NBPF8: variants seen among roughly 807,000 people sequenced by gnomAD.
NBPF8 encodes the protein NBPF family member NBPF8.
At chr1:120,457,280 CAT>C (rs1661467669) in intron 16 of NBPF8, among the ~76,000 whole-genome samples, 1 of 122,852 alleles carries the variant, frequency 8.1e-6, no homozygotes, top group East Asian at 2.1e-4. Context: ...CACATGCACA[CAT>C]ATGTTTATTG....
Position 120,463,656 on chromosome 1 carries a change from C to T in NBPF8, n.3235-20C>T. The T allele has an allele frequency of 6.2e-6, 1 of 161,324 alleles. No individual in the cohort carries two copies. The highest frequency in any genetic ancestry group is 1.1e-5 in the Non-Finnish European group (1 of 90,216). 10.0% of individuals were successfully genotyped at this position (161,324 alleles called of 1,614,324 possible). Reference sequence around the variant, plus strand: ...GGTGAATTGGCTTATTTTGTCTGTCCCTGTCTGAATGTATTGCAGGAATTA... The same window carrying T: ...GGTGAATTGGCTTATTTTGTCTGTCTCTGTCTGAATGTATTGCAGGAATTA... On this transcript the variant is annotated intron_variant and non_coding_transcript_variant, in intron 21 of 24. Transcript: ENST00000583271.
At chr1:120,442,830 C>G in intron 5 of NBPF8, 1 of 135,368 alleles carries the variant, frequency 7.4e-6, no homozygotes, top group East Asian at 1.0e-4. Flanking sequence ...GTTTGCCTTT[C>G]TTCTCCCCAG....
At chr1:120,449,314 A>G (rs1426669057) in exon 11 of NBPF8, 4 of 1,611,138 alleles carry the variant, frequency 2.5e-6, no homozygotes, top group Non-Finnish European at 3.4e-6. Context: ...CCCAGCTGGC[A>G]GAGAAGAAAC....
chr1:120,421,266 T>C (rs1185184477), intron 1 of NBPF8, among the ~76,000 whole-genome samples: 5 of 152,194 alleles, frequency 3.3e-5, no homozygotes, highest in Non-Finnish European at 7.3e-5. Flanking sequence ...CTCCAATAAC[T>C]AGTTAGCGTG....
upstream of NBPF8, among the ~76,000 whole-genome samples, chr1:120,431,359 AATATATATATATATATATATATATAT>A (rs869036983): frequency 3.1e-4 from 13 of 42,052 alleles, no homozygotes; most frequent in Admixed American, 4.7e-4. Flanking sequence ...CCAAATAGGG[AATATATATATATATATATATATATAT>A]ATATATATAT....
chr1:120,421,490 GCCTTCCTCCCTCCCTCCCTTCCTTCCTT>G (rs1261827568), intron 1 of NBPF8, among the ~76,000 whole-genome samples: 1 of 121,916 alleles, frequency 8.2e-6, no homozygotes, highest in East Asian at 2.3e-4. Flanking sequence ...CTCTCTCCCT[GCCTTCCTCCCTCCCTCCCTTCCTTCCTT>G]CCTTCCTCCC....
chr1:120,441,161 A>C (rs200840547), intron 4 of NBPF8, 117 bp from the exon 8 acceptor site: 3 of 600,794 alleles, frequency 5.0e-6, no homozygotes, highest in East Asian at 2.9e-5. Flanking sequence ...GGGAACCTCC[A>C]TTTTGCTTTC....
At chr1:120,415,782 T>A (rs1299754130), upstream of NBPF8, among the ~76,000 whole-genome samples, 1 of 152,182 alleles carries the variant, frequency 6.6e-6, no homozygotes, top group East Asian at 1.9e-4. Context: ...AATCACCTCA[T>A]GACTAGCGGG....
At position 120,424,591 on chromosome 1, in the gene NBPF8, G is replaced by A. The variant is rs1660659974; in HGVS notation, n.270-1156G>A. Among the ~76,000 whole-genome samples the A allele has an allele frequency of 2.6e-5, 4 of 152,174 alleles. No homozygotes were observed. In the South Asian group the frequency reaches 6.2e-4, roughly 24 times the overall value. On this transcript the variant is annotated intron_variant and non_coding_transcript_variant, in intron 1 of 28. Transcript: ENST00000652355. ...GCATCCTGAATAGCTGGGATTACAG[G>A]CGCCTGCCACCACACCTGGCTAATG...
chr1:120,455,503 C>T, intron 16 of NBPF8, 43 bp downstream of exon 14: 9 of 534,106 alleles, frequency 1.7e-5, no homozygotes, highest in Non-Finnish European at 2.9e-5. Context: ...GTAGTGACAT[C>T]TGGAGATTGT....
At chr1:120,434,285 C>A (rs1257476556), upstream of NBPF8, among the ~76,000 whole-genome samples, 2 of 29,472 alleles carry the variant, frequency 6.8e-5, no homozygotes, top group African/African-American at 2.1e-4. Flanking sequence ...TGTATATACA[C>A]GTATTATATA....
chr1:120,465,959 G>A lies in NBPF8; in HGVS notation n.3569-19G>A. 1.1e-5 allele frequency: 18 copies of A among 1,611,720 alleles called. No individual in the cohort carries two copies. Among genetic ancestry groups the A allele is most frequent in the Non-Finnish European group, 1.5e-5 (18 of 1,179,700 alleles). ...CTGATTTTCCCTGGCTGCTTCTTTAGTTTTGTCTCCTTTTCCAGGCTCAAC... is the reference window on the plus strand; with the variant it reads ...CTGATTTTCCCTGGCTGCTTCTTTAATTTTGTCTCCTTTTCCAGGCTCAAC... On this transcript the variant is annotated intron_variant and non_coding_transcript_variant, in intron 24 of 24. Coordinates refer to ENST00000583271, the Ensembl canonical transcript of NBPF8.
exon 25 of NBPF8, chr1:120,466,396 C>A (rs1271752255): frequency 1.2e-5 from 10 of 861,162 alleles, no homozygotes; most frequent in Non-Finnish European, 1.7e-5. Context: ...AGTCTGAAGA[C>A]AATGGACCCA....
At position 120,459,763 on chromosome 1, in the gene NBPF8, C is replaced by T. The variant is rs1163143998; in HGVS notation, n.2784+233C>T. Among the ~76,000 whole-genome samples, 206 of 152,372 alleles carry T rather than the reference C, an allele frequency of 1.4e-3. 1 individual carries two copies. The highest frequency in any genetic ancestry group is 2.1e-3 in the Non-Finnish European group (141 of 68,042). ...CACGCCATGCCCGTGCCAACCTGGACTGACTGTCACGATATTGAACTCAAG... is the reference window on the plus strand; with the variant it reads ...CACGCCATGCCCGTGCCAACCTGGATTGACTGTCACGATATTGAACTCAAG... On this transcript the variant is annotated intron_variant and non_coding_transcript_variant, in intron 17 of 24. Coordinates refer to ENST00000583271, the Ensembl canonical transcript of NBPF8.
upstream of NBPF8, among the ~76,000 whole-genome samples, chr1:120,434,556 T>C (rs1163892202): frequency 7.3e-5 from 11 of 150,788 alleles, no homozygotes; most frequent in Non-Finnish European, 1.5e-5. Flanking sequence ...CCGTCCTGTG[T>C]CCAAGTGTTC....
At chr1:120,451,681 G>C (rs1217481210) in intron 12 of NBPF8, among the ~76,000 whole-genome samples, 1 of 147,116 alleles carries the variant, frequency 6.8e-6, no homozygotes, top group South Asian at 2.2e-4. Flanking sequence ...TTGCCTTCTC[G>C]ACCCTGTCAT....
At chr1:120,430,636 C>G (rs1660850757) in intron 3 of NBPF8, among the ~76,000 whole-genome samples, 2 of 145,952 alleles carry the variant, frequency 1.4e-5, no homozygotes, top group East Asian at 3.9e-4. Flanking sequence ...TGCCTGTAGT[C>G]CAGCTACTTG....
intron 3 of NBPF8, among the ~76,000 whole-genome samples, chr1:120,429,105 T>C (rs1316714201): frequency 1.3e-5 from 2 of 152,266 alleles, no homozygotes; most frequent in South Asian, 2.1e-4. Flanking sequence ...GGCTCCCCTG[T>C]GTGCACACTT....
At chr1:120,431,640 G>A (rs1660884323), upstream of NBPF8, among the ~76,000 whole-genome samples, 1 of 150,506 alleles carries the variant, frequency 6.6e-6, no homozygotes, top group Non-Finnish European at 1.5e-5. Context: ...GCACCTGTTG[G>A]TGAGGATATA....
Sources: gnomAD v4.1 joint callset for allele counts (sites outside exome capture counted in the v4.1 genomes callset) on GRCh38, gnomAD v4.1.1 for gene constraint, MANE v1.5 for transcripts, NCBI Gene and HGNC (gene_info 2026-07-23, HGNC 2026-07-21) for gene names.